Variants in TNFRSF11A observed in about 807,000 individuals in gnomAD.
The protein encoded by TNFRSF11A is TNF receptor superfamily member 11a.
In TNFRSF11A, 32 loss-of-function variants were observed where a neutral mutation model predicts 55.7. That is an observed-to-expected ratio of 0.57 (90% CI 0.43 to 0.77). The LOEUF (loss-of-function observed/expected upper bound fraction) is 0.77, where lower values mean the gene tolerates loss of function less well. Among genes scored for constraint, TNFRSF11A ranks in the 30% least tolerant of loss-of-function variants. The pLI is 0.00. For missense variants in TNFRSF11A, 753 were observed against 809.8 expected (o/e 0.93, Z 0.85); for synonymous variants, 311 against 331.0 (o/e 0.94, Z 0.65).
chr18:62,366,852 A>G (rs1041746059), intron 8 of TNFRSF11A, 92 bp downstream of exon 8: 8 of 1,068,098 alleles, frequency 7.5e-6, no homozygotes, highest in Non-Finnish European at 1.1e-5. Context: ...ACCCCCCCCC[A>G]CCCCCACTTT....
At chr18:62,334,413 A>T (rs2145246541) in intron 1 of TNFRSF11A, among the ~76,000 whole-genome samples, 1 of 152,212 alleles carries the variant, frequency 6.6e-6, no homozygotes, top group Middle Eastern at 3.4e-3. Context: ...GTACCGCCTC[A>T]GAGGGTCGCA....
intron 7 of TNFRSF11A, among the ~76,000 whole-genome samples, chr18:62,365,974 T>C (rs1275337593): frequency 6.6e-6 from 1 of 152,076 alleles, no homozygotes. Flanking sequence ...ATTGCCACCA[T>C]GCCCGGCTAA....
At chr18:62,343,585 T>A (rs559665474) in intron 1 of TNFRSF11A, among the ~76,000 whole-genome samples, 3 of 152,326 alleles carry the variant, frequency 2.0e-5, no homozygotes, top group South Asian at 4.1e-4. Flanking sequence ...AGGGATTTTT[T>A]AATTTCAAAT....
intron 4 of TNFRSF11A, 118 bp downstream of exon 4, chr18:62,354,652 C>A: frequency 6.8e-7 from 1 of 1,461,224 alleles, no homozygotes; most frequent in Non-Finnish European, 9.3e-7. Flanking sequence ...TTGGAGGAAC[C>A]TGAGGGATGG....
rs1333270764 is a variant in TNFRSF11A at position 62,349,819 on chromosome 18, C to T, written c.165C>T (p.Tyr55=). ...RCCNKCEPGK[Y]MSSKCTTTSD... ...CTCCCTCATTTTTTTAAGGAAAGTA[C>T]ATGTCTTCTAAATGCACTACTACCT... Residue 55 remains tyrosine (Y), a synonymous_variant, in exon 3 of 10, where the codon TAC becomes TAT. Coordinates refer to ENST00000586569, the MANE Select transcript of TNFRSF11A (RefSeq NM_003839.4). 1.2e-6 allele frequency: 2 copies of T among 1,613,924 alleles called. No homozygotes were observed. Among genetic ancestry groups the T allele is most frequent in the Non-Finnish European group, 1.7e-6 (2 of 1,179,912 alleles).
At chr18:62,359,667 C>A (rs929023591) in intron 5 of TNFRSF11A, among the ~76,000 whole-genome samples, 1 of 152,344 alleles carries the variant, frequency 6.6e-6, no homozygotes, top group Middle Eastern at 3.4e-3. Context: ...GCCTGAGCCA[C>A]CCAGGCACGG....
intron 1 of TNFRSF11A, among the ~76,000 whole-genome samples, chr18:62,337,897 G>T (rs1416461644): frequency 6.6e-6 from 1 of 152,172 alleles, no homozygotes; most frequent in Non-Finnish European, 1.5e-5. Context: ...TATCTGATTG[G>T]TCGACTTTCA....
chr18:62,346,837 C>A (rs1011180710), intron 1 of TNFRSF11A, among the ~76,000 whole-genome samples: 1 of 152,236 alleles, frequency 6.6e-6, no homozygotes, highest in Admixed American at 6.5e-5. Flanking sequence ...CATCCGAGCA[C>A]TTTCATATGC....
At chr18:62,364,233 A>G (rs559518944) in intron 7 of TNFRSF11A, among the ~76,000 whole-genome samples, 2 of 152,310 alleles carry the variant, frequency 1.3e-5, no homozygotes, top group South Asian at 2.1e-4. Flanking sequence ...CAGGCATTCT[A>G]TCGTGAGAGA....
intron 1 of TNFRSF11A, among the ~76,000 whole-genome samples, chr18:62,335,740 T>A (rs1026664608): frequency 1.5e-4 from 23 of 152,228 alleles, no homozygotes; most frequent in African/African-American, 5.5e-4. Context: ...TCGGATTTTG[T>A]CCCAAATCAG....
rs1911468758 is a variant in TNFRSF11A, at chr18:62,383,941, G to A, written c.1568-810G>A. Reference sequence around the variant, plus strand: ...TGATCCTCCAGGGCTGAGTTGTTAGGGACCATGAGGAACCAAGGCACCCAC... The same window carrying A: ...TGATCCTCCAGGGCTGAGTTGTTAGAGACCATGAGGAACCAAGGCACCCAC... On this transcript the variant is annotated intron_variant, in intron 9 of 9. Coordinates refer to ENST00000586569, the MANE Select transcript of TNFRSF11A (RefSeq NM_003839.4). The surrounding 1 kb of genome is among the most constrained non-coding windows in gnomAD (Gnocchi z 4.2). Among the ~76,000 whole-genome samples, 2 of 151,958 alleles carry A rather than the reference G, an allele frequency of 1.3e-5. No homozygotes were observed. Among genetic ancestry groups the A allele is most frequent in the Non-Finnish European group, 2.9e-5 (2 of 68,012 alleles).
intron 1 of TNFRSF11A, among the ~76,000 whole-genome samples, chr18:62,343,783 T>C (rs1418097208): frequency 3.9e-5 from 6 of 152,214 alleles, no homozygotes; most frequent in Admixed American, 3.9e-4. Context: ...CTCCTTTTTT[T>C]AGACTTAGCA....
At position 62,325,480 on chromosome 18, in the gene TNFRSF11A, C is replaced by A; in HGVS notation, c.75+53C>A. The A allele has an allele frequency of 8.5e-7, 1 of 1,172,000 alleles. No individual in the cohort carries two copies. The highest frequency in any genetic ancestry group is 4.6e-5 in the Admixed American group (1 of 21,934). The allele number at this position is 1,172,000 out of a possible 1,614,324, so 72.6% of individuals were successfully genotyped here. A position where few individuals can be genotyped will look rare whatever the true frequency, so the allele number is the denominator to read the frequency against. The stretch of plus-strand genomic sequence containing the variant: ...GCGCGGCCCGACGCCTCCTCGGGAG[C>A]CCCGGGAAGGGCCGGGGCCGGCGGC... On this transcript the variant is annotated intron_variant, in intron 1 of 9. Coordinates refer to ENST00000586569, the MANE Select transcript of TNFRSF11A (RefSeq NM_003839.4). This position sits in a 1 kb window ranked among gnomAD's most constrained non-coding sequence, Gnocchi z 4.7.
At chr18:62,366,844 C>CT (rs1223518341) in intron 8 of TNFRSF11A, 84 bp downstream of exon 8, 21 of 1,307,254 alleles carry the variant, frequency 1.6e-5, no homozygotes, top group Non-Finnish European at 2.0e-5. Context: ...TATTGAGCAC[C>CT]CCCCCCCACC....
intron 7 of TNFRSF11A, among the ~76,000 whole-genome samples, 189 bp from the exon 8 acceptor site, chr18:62,366,519 A>G (rs1007459128): frequency 1.3e-5 from 2 of 152,200 alleles, no homozygotes; most frequent in Non-Finnish European, 2.9e-5. Flanking sequence ...CTTGCCACAC[A>G]CACATAAAAA....
At chr18:62,346,653 C>G (rs1469014066) in intron 1 of TNFRSF11A, among the ~76,000 whole-genome samples, 2 of 152,188 alleles carry the variant, frequency 1.3e-5, no homozygotes, top group Non-Finnish European at 2.9e-5. Context: ...TCCTCATAAC[C>G]CCTTTGCTGG....
At chr18:62,349,000 G>A (rs4263037) in intron 2 of TNFRSF11A, among the ~76,000 whole-genome samples, 93,138 of 151,862 alleles carry the variant, frequency 0.61, 28,708 homozygotes, top group Non-Finnish European at 0.62. Context: ...TAAGTGTAGA[G>A]GAAGTTAACA....
At chr18:62,330,192 G>A (rs1014707770) in intron 1 of TNFRSF11A, among the ~76,000 whole-genome samples, 2 of 152,240 alleles carry the variant, frequency 1.3e-5, no homozygotes, top group Non-Finnish European at 2.9e-5. Context: ...CAGTCCAGGT[G>A]TGTGCAGATG....
At chr18:62,366,810 G>A in intron 8 of TNFRSF11A, 50 bp downstream of exon 8, 1 of 1,585,352 alleles carries the variant, frequency 6.3e-7, no homozygotes, top group Non-Finnish European at 8.7e-7. Context: ...CAACAGTTAG[G>A]CTGGTAGAGC....
Sources: allele counts gnomAD v4.1 joint callset (sites outside exome capture counted in the v4.1 genomes callset), GRCh38; gene constraint gnomAD v4.1.1; non-coding constraint Gnocchi (gnomAD v3.1); transcripts MANE v1.5; gene names NCBI Gene and HGNC (gene_info 2026-07-23, HGNC 2026-07-21).